Variants in NCKAP5 observed in about 807,000 individuals in gnomAD.
NCKAP5 encodes the protein NCK associated protein 5.
Under a neutral mutation model 167.0 loss-of-function variants are expected in NCKAP5, and 92 were observed. The observed-to-expected ratio is 0.55, with a 90% CI of 0.47 to 0.66. The LOEUF (loss-of-function observed/expected upper bound fraction) is 0.66. Among genes scored for constraint, NCKAP5 ranks in the 30% least tolerant of loss-of-function variants. NCKAP5 has a pLI of 0.00. For synonymous variants in NCKAP5, 891 were observed against 877.4 expected (o/e 1.02, Z -0.27); for missense variants, 2,378 against 2,315.0 (o/e 1.03, Z -0.56).
chr2:133,242,031 T>A (rs1261228401), intron 4 of NCKAP5, among the ~76,000 whole-genome samples: 3 of 146,572 alleles, frequency 2.0e-5, no homozygotes, highest in Non-Finnish European at 4.4e-5. Flanking sequence ...GGCAGGAGAA[T>A]CATTTGAAAC....
rs980900568 is a variant in NCKAP5, at chr2:133,199,083, A to C, written c.207+14633T>G. Among the ~76,000 whole-genome samples the C allele has an allele frequency of 3.3e-5, 5 of 152,184 alleles. No homozygotes were observed. In the East Asian group the frequency reaches 9.6e-4, roughly 29 times the overall value. The stretch of plus-strand genomic sequence containing the variant: ...AAAAAATACAACTTAACCCCTAAAC[A>C]CACATCATAGATAAAAATTAAGTCC... On this transcript the variant is annotated intron_variant, in intron 5 of 19. Transcript: ENST00000409261.
chr2:133,088,607 T>G (rs575610934), intron 6 of NCKAP5, among the ~76,000 whole-genome samples: 1 of 152,284 alleles, frequency 6.6e-6, no homozygotes, highest in African/African-American at 2.4e-5. Context: ...CCCCATCAGA[T>G]GCAATGTTCC....
At chr2:132,823,767 A>G (rs1306019354) in intron 11 of NCKAP5, among the ~76,000 whole-genome samples, 1 of 152,216 alleles carries the variant, frequency 6.6e-6, no homozygotes, top group African/African-American at 2.4e-5. Context: ...AGAATGGCAG[A>G]ATGGATAAAA....
rs1298108129 is a variant in NCKAP5 at position 132,878,914 on chromosome 2, T to C, written c.582A>G (p.Ala194=). 6.2e-7 allele frequency: 1 copy of C among 1,611,636 alleles called. No individual in the cohort carries two copies. The highest frequency in any genetic ancestry group is 2.2e-5 in the East Asian group (1 of 44,884). Residue 194 remains alanine, a splice_region_variant and synonymous_variant, in exon 9 of 20, where the codon GCA becomes GCG. Transcript: ENST00000409261. ...LLLERLKALE[A]ENSALALENE... ...TCTCCAAAGCCAACGCTGAATTCTC[T>C]GCCTGCAGTAAGATACAAAAATAAC... is the stretch of plus-strand genomic sequence containing the variant.
At chr2:133,071,317 C>A (rs1454643620) in intron 6 of NCKAP5, among the ~76,000 whole-genome samples, 2 of 151,526 alleles carry the variant, frequency 1.3e-5, no homozygotes, top group African/African-American at 4.8e-5. Flanking sequence ...TAGTGGCGGG[C>A]GCCTGTAGTC....
chr2:133,535,195 T>G (rs1459244328), intron 2 of NCKAP5, among the ~76,000 whole-genome samples: 3 of 152,146 alleles, frequency 2.0e-5, no homozygotes, highest in African/African-American at 7.2e-5. Flanking sequence ...CATGCATATA[T>G]TGCATAATGA....
intron 4 of NCKAP5, among the ~76,000 whole-genome samples, chr2:133,258,269 T>A (rs1446880241): frequency 6.6e-6 from 1 of 152,216 alleles, no homozygotes; most frequent in Non-Finnish European, 1.5e-5. Context: ...GAACTACTTG[T>A]GACTAGGCCC....
intron 7 of NCKAP5, among the ~76,000 whole-genome samples, chr2:132,971,449 G>A (rs1237564681): frequency 6.6e-6 from 1 of 152,168 alleles, no homozygotes; most frequent in Non-Finnish European, 1.5e-5. Flanking sequence ...TCAGGGAAAT[G>A]AGAAGTCACT....
chr2:133,515,704 A>T (rs1052283240), intron 3 of NCKAP5, among the ~76,000 whole-genome samples: 2 of 152,242 alleles, frequency 1.3e-5, no homozygotes, highest in Non-Finnish European at 2.9e-5. Context: ...TTTTCAAGCT[A>T]TCTTTAGGCA....
At chr2:133,212,257 A>C (rs76381038) in intron 5 of NCKAP5, among the ~76,000 whole-genome samples, 1 of 152,216 alleles carries the variant, frequency 6.6e-6, no homozygotes. Flanking sequence ...GACCTAGCCC[A>C]TCAACATTTT....
At chr2:132,986,780 C>T (rs1204962706) in intron 7 of NCKAP5, among the ~76,000 whole-genome samples, 1 of 152,144 alleles carries the variant, frequency 6.6e-6, no homozygotes, top group Non-Finnish European at 1.5e-5. Flanking sequence ...ATACTTAAAT[C>T]ATTACAAGGA....
chr2:133,460,533 A>G (rs988433635), intron 3 of NCKAP5, among the ~76,000 whole-genome samples: 2 of 152,188 alleles, frequency 1.3e-5, no homozygotes, highest in Non-Finnish European at 2.9e-5. Context: ...TTTAATCTAC[A>G]CTTCTGAGAA....
chr2:133,644,953 T>C, the NCKAP5 span, among the ~76,000 whole-genome samples: 1 of 152,210 alleles, frequency 6.6e-6, no homozygotes, highest in Non-Finnish European at 1.5e-5. Flanking sequence ...GAGAAATCTA[T>C]GACCATGAAC....
chr2:133,136,658 C>G (rs976310281), intron 5 of NCKAP5, among the ~76,000 whole-genome samples: 1 of 152,128 alleles, frequency 6.6e-6, no homozygotes, highest in Non-Finnish European at 1.5e-5. Context: ...ATGGGGAAAA[C>G]ATTAGTACTC....
At chr2:133,289,731 A>C (rs965249635) in intron 4 of NCKAP5, among the ~76,000 whole-genome samples, 13 of 152,040 alleles carry the variant, frequency 8.6e-5, no homozygotes, top group Admixed American at 5.2e-4. Context: ...ACAAACAAAA[A>C]AAAACAGCAC....
chr2:133,257,531 C>T (rs1292949774), intron 4 of NCKAP5, among the ~76,000 whole-genome samples: 12 of 152,210 alleles, frequency 7.9e-5, no homozygotes, highest in Non-Finnish European at 1.8e-4. Context: ...AAAAGCAGCA[C>T]AGCTTTTCAT....
intron 6 of NCKAP5, among the ~76,000 whole-genome samples, chr2:133,047,684 T>C (rs1241764223): frequency 6.6e-6 from 1 of 152,224 alleles, no homozygotes; most frequent in African/African-American, 2.4e-5. Flanking sequence ...TGTTTAAAAT[T>C]TGTAAACACT....
chr2:132,955,061 T>C (rs375874752), intron 8 of NCKAP5, among the ~76,000 whole-genome samples: 6 of 152,334 alleles, frequency 3.9e-5, no homozygotes, highest in African/African-American at 1.4e-4. Context: ...ATCTAAAGAT[T>C]AGAAGGAAAC....
chr2:133,326,080 T>A (rs1682418067), intron 3 of NCKAP5, among the ~76,000 whole-genome samples: 1 of 152,344 alleles, frequency 6.6e-6, no homozygotes, highest in South Asian at 2.1e-4. Context: ...CTTTAATTTG[T>A]TCTGGACAGT....
Sources: gnomAD v4.1 joint callset for allele counts (sites outside exome capture counted in the v4.1 genomes callset) on GRCh38, gnomAD v4.1.1 for gene constraint, MANE v1.5 for transcripts, NCBI Gene and HGNC (gene_info 2026-07-23, HGNC 2026-07-21) for gene names.